HDLBP: variants seen among roughly 807,000 people sequenced by gnomAD.
HDLBP encodes high density lipoprotein binding protein.
A neutral mutation model predicts 137.3 loss-of-function variants in HDLBP; 30 were observed. That is an observed-to-expected ratio of 0.22 (90% CI 0.16 to 0.30). The LOEUF is 0.30. Among genes scored for constraint, HDLBP ranks in the 10% least tolerant of loss-of-function variants. The pLI is 1.00. For synonymous variants in HDLBP, 606 were observed against 596.0 expected (o/e 1.02, Z -0.24); for missense variants, 1,119 against 1,667.3 (o/e 0.67, Z 5.73).
At position 241,272,446 on chromosome 2, in the gene HDLBP, C is replaced by A. The variant is rs2074154754; in HGVS notation, c.-102-3905G>T. The A allele has an allele frequency of 2.0e-6, 2 of 984,484 alleles. No homozygotes were observed. The highest frequency in any genetic ancestry group is 1.8e-5 in the African/African-American group (1 of 57,086). 61.0% of individuals were successfully genotyped at this position (984,484 alleles called of 1,614,324 possible). A position where few individuals can be genotyped will look rare whatever the true frequency, so the allele number is the denominator to read the frequency against. On this transcript the variant is annotated intron_variant, in intron 1 of 27. Transcript: ENST00000310931. This position sits in a 1 kb window ranked among gnomAD's most constrained non-coding sequence, Gnocchi z 5.6. Reference sequence around the variant, plus strand: ...GAAGCCCCGGGAGGAGGCGGGGGAGCCCAGCTTGCAGCCAAGAGCGGCCCA... The same window carrying A: ...GAAGCCCCGGGAGGAGGCGGGGGAGACCAGCTTGCAGCCAAGAGCGGCCCA...
chr2:241,296,164 T>C (rs1375987733), intron 1 of HDLBP, among the ~76,000 whole-genome samples: 1 of 150,092 alleles, frequency 6.7e-6, no homozygotes, highest in Non-Finnish European at 1.5e-5. Flanking sequence ...AAAGCAATGG[T>C]AATTAGCACT....
At chr2:241,292,999 C>T (rs1478659893) in intron 1 of HDLBP, among the ~76,000 whole-genome samples, 1 of 151,728 alleles carries the variant, frequency 6.6e-6, no homozygotes, top group Non-Finnish European at 1.5e-5. Context: ...CTGCACTCGG[C>T]CTGGGCAACA....
intron 27 of HDLBP, 49 bp downstream of exon 27, chr2:241,229,784 G>GCCCCCC: frequency 2.7e-6 from 4 of 1,502,520 alleles, no homozygotes; most frequent in South Asian, 1.2e-5. Context: ...AAGCCCGCCT[G>GCCCCCC]CCCGCCCACC....
intron 5 of HDLBP, among the ~76,000 whole-genome samples, chr2:241,259,080 G>A (rs1470061091): frequency 6.6e-6 from 1 of 152,210 alleles, no homozygotes; most frequent in East Asian, 1.9e-4. Context: ...ATGCCCATCA[G>A]TAGGAAAGCC....
At position 241,256,780 on chromosome 2, in the gene HDLBP, T is replaced by C; in HGVS notation, c.477A>G (p.Lys159=). 6.2e-7 allele frequency: 1 copy of C among 1,614,200 alleles called. No homozygotes were observed. The highest frequency in any genetic ancestry group is 1.3e-5 in the African/African-American group (1 of 75,056). The stretch of plus-strand genomic sequence containing the variant: ...TGCCAATAACAAAGCGATGGTGTTC[T>C]TTGGGAATGGCAACAGTTGCTGAGG... ...TQASATVAIP[K]EHHRFVIGKN... is the part of the protein sequence containing the mutation. The change falls in exon 6 of 28, where the codon AAA becomes AAG. Residue 159 remains lysine, a synonymous_variant. Transcript: ENST00000310931.
At chr2:241,244,144 A>G (rs1019445519) in intron 16 of HDLBP, among the ~76,000 whole-genome samples, 1 of 152,220 alleles carries the variant, frequency 6.6e-6, no homozygotes. Context: ...ACTGCAAAGA[A>G]TTAATGAATT....
At chr2:241,251,211 G>C (rs147425464) in intron 11 of HDLBP, among the ~76,000 whole-genome samples, 62 of 152,174 alleles carry the variant, frequency 4.1e-4, no homozygotes, top group African/African-American at 1.3e-3. Flanking sequence ...CTCCTGCCTT[G>C]GTCTCCCAAA....
intron 1 of HDLBP, among the ~76,000 whole-genome samples, chr2:241,300,875 T>A (rs1002700182): frequency 6.6e-6 from 1 of 152,100 alleles, no homozygotes; most frequent in African/African-American, 2.4e-5. Flanking sequence ...CATGAGCAAT[T>A]AGATCAAAAT....
chr2:241,258,392 C>T (rs1193012884), intron 5 of HDLBP, among the ~76,000 whole-genome samples: 8 of 145,362 alleles, frequency 5.5e-5, no homozygotes, highest in East Asian at 2.0e-4. Flanking sequence ...GCCATGGTGA[C>T]GTGTGCCTGT....
chr2:241,239,398 C>T lies in HDLBP; in HGVS notation c.2610+204G>A, dbSNP rs1169603356. Among the ~76,000 whole-genome samples, 2 of 151,644 alleles carry T rather than the reference C, an allele frequency of 1.3e-5. No homozygotes were observed. Among genetic ancestry groups the T allele is most frequent in the East Asian group, 1.9e-4 (1 of 5,186 alleles). On this transcript the variant is annotated intron_variant, in intron 19 of 27. Coordinates refer to ENST00000310931, the MANE Select transcript of HDLBP (RefSeq NM_005336.6). The surrounding 1 kb of genome is among the most constrained non-coding windows in gnomAD (Gnocchi z 4.6). ...TCTCTTTTTTTTTTTAAGTGCTTCT[C>T]GCAGGCAGAATTCTCACCAACTATC...
At position 241,260,253 on chromosome 2, in the gene HDLBP, G is replaced by A. The variant is rs141059204; in HGVS notation, c.450+2458C>T. Among the ~76,000 whole-genome samples, 876 of 151,900 alleles carry A rather than the reference G, an allele frequency of 5.8e-3. 16 individuals are homozygous for A. Among genetic ancestry groups the A allele is most frequent in the African/African-American group, 0.02 (812 of 41,402 alleles). On this transcript the variant is annotated intron_variant, in intron 5 of 27. Transcript: ENST00000310931. Reference sequence around the variant, plus strand: ...ACTCCTGACCTGAGGTGATCTGCCCGCCTCAGCCTCCCAAAGTGCTAGGAT... The same window carrying A: ...ACTCCTGACCTGAGGTGATCTGCCCACCTCAGCCTCCCAAAGTGCTAGGAT...
chr2:241,266,136 C>T (rs2073655824), intron 3 of HDLBP, among the ~76,000 whole-genome samples: 1 of 152,192 alleles, frequency 6.6e-6, no homozygotes, highest in Non-Finnish European at 1.5e-5. Flanking sequence ...GGATGAAAAT[C>T]TGGCATTCAA....
intron 16 of HDLBP, among the ~76,000 whole-genome samples, chr2:241,245,052 T>C (rs1380946459): frequency 6.6e-6 from 1 of 151,980 alleles, no homozygotes; most frequent in Non-Finnish European, 1.5e-5. Flanking sequence ...TATGTATATT[T>C]TACCACAATT....
chr2:241,302,963 T>TA (rs1050838199), intron 1 of HDLBP, among the ~76,000 whole-genome samples: 10 of 152,204 alleles, frequency 6.6e-5, no homozygotes, highest in Non-Finnish European at 1.3e-4. Flanking sequence ...CACAGTGCCC[T>TA]ACCAATGCCC....
chr2:241,291,316 G>A (rs1480161127), intron 1 of HDLBP, among the ~76,000 whole-genome samples: 3 of 152,096 alleles, frequency 2.0e-5, no homozygotes, highest in African/African-American at 7.2e-5. Context: ...AGCAGAACAC[G>A]GACGAGGTAC....
intron 1 of HDLBP, among the ~76,000 whole-genome samples, chr2:241,289,813 T>C (rs2074948367): frequency 6.6e-6 from 1 of 151,984 alleles, no homozygotes; most frequent in Non-Finnish European, 1.5e-5. Flanking sequence ...AAAGGAAACC[T>C]CAAGAAGACA....
chr2:241,278,264 G>A (rs2074468951), intron 1 of HDLBP, among the ~76,000 whole-genome samples: 1 of 152,168 alleles, frequency 6.6e-6, no homozygotes, highest in South Asian at 2.1e-4. Context: ...ACAGCATGAG[G>A]GGCAAAGATA....
chr2:241,272,576 CGCGGTAAG>C lies in HDLBP; in HGVS notation c.-102-4043_-102-4036del, dbSNP rs1370498426. 7 of 984,284 alleles carry C rather than the reference CGCGGTAAG, an allele frequency of 7.1e-6. No individual in the cohort carries two copies. The African/African-American group carries it at 1.2e-4, about 17-fold the overall frequency. 61.0% of individuals were successfully genotyped at this position (984,284 alleles called of 1,614,324 possible). A position where few individuals can be genotyped will look rare whatever the true frequency, so the allele number is the denominator to read the frequency against. ...CCAGGTCTGGCCCGGAACCGCCACG[CGCGGTAAG>C]CAGGACACCCGCGGGCGGGGGCCGC... On this transcript the variant is annotated intron_variant, in intron 1 of 27. Coordinates refer to ENST00000310931, the MANE Select transcript of HDLBP (RefSeq NM_005336.6). This position sits in a 1 kb window ranked among gnomAD's most constrained non-coding sequence, Gnocchi z 5.6.
intron 1 of HDLBP, among the ~76,000 whole-genome samples, chr2:241,290,327 G>C (rs1244763128): frequency 6.6e-6 from 1 of 152,126 alleles, no homozygotes; most frequent in Admixed American, 6.5e-5. Flanking sequence ...AACATCAGAA[G>C]AGGCCGGGTA....
Sources: gnomAD v4.1 joint callset for allele counts (sites outside exome capture counted in the v4.1 genomes callset) on GRCh38, gnomAD v4.1.1 for gene constraint, Gnocchi (gnomAD v3.1) non-coding constraint, MANE v1.5 for transcripts, NCBI Gene and HGNC (gene_info 2026-07-23, HGNC 2026-07-21) for gene names.